HS6ST3: variants seen among roughly 807,000 people sequenced by gnomAD.
The protein encoded by HS6ST3 is heparan sulfate 6-O-sulfotransferase 3, also known as heparan-sulfate 6-O-sulfotransferase 3.
A neutral mutation model predicts 36.7 loss-of-function variants in HS6ST3; 12 were observed. The ratio of observed to expected loss-of-function variants is 0.33; its 90% CI spans 0.21 to 0.53. The LOEUF is 0.53. HS6ST3 is among the 20% of genes least tolerant of loss of function. HS6ST3 has a pLI of 0.95. For synonymous variants in HS6ST3, 240 were observed against 257.5 expected (o/e 0.93, Z 0.65); for missense variants, 584 against 640.9 (o/e 0.91, Z 0.96).
intron 1 of HS6ST3, among the ~76,000 whole-genome samples, chr13:96,370,146 A>G (rs2055282603): frequency 6.6e-6 from 1 of 152,190 alleles, no homozygotes; most frequent in African/African-American, 2.4e-5. Context: ...TTGCCAGTCC[A>G]ATAAATTTTG....
intron 1 of HS6ST3, among the ~76,000 whole-genome samples, chr13:96,300,236 T>C (rs559161806): frequency 1.3e-5 from 2 of 151,856 alleles, no homozygotes; most frequent in South Asian, 4.2e-4. Context: ...TTTGTATTTT[T>C]AGTAGAGATG....
chr13:96,246,338 A>G (rs1260228994), intron 1 of HS6ST3, among the ~76,000 whole-genome samples: 3 of 152,148 alleles, frequency 2.0e-5, no homozygotes, highest in Admixed American at 1.3e-4. Context: ...TTATTTTGCA[A>G]TAGAAGAAAA....
chr13:96,609,250 G>A (rs910538464), intron 1 of HS6ST3, among the ~76,000 whole-genome samples: 2 of 152,072 alleles, frequency 1.3e-5, no homozygotes, highest in Non-Finnish European at 2.9e-5. Context: ...GATTGCAGAT[G>A]TGAGCCACCA....
chr13:96,593,368 G>A (rs140311398), intron 1 of HS6ST3, among the ~76,000 whole-genome samples: 1,886 of 149,560 alleles, frequency 0.013, 42 homozygotes, highest in African/African-American at 0.044. Context: ...TTTGTTTTTC[G>A]TATTTTTAGT....
intron 1 of HS6ST3, among the ~76,000 whole-genome samples, chr13:96,627,765 G>A (rs1481122644): frequency 6.6e-6 from 1 of 151,744 alleles, no homozygotes; most frequent in Non-Finnish European, 1.5e-5. Context: ...TGAGTTGTGT[G>A]TTCTAAAAAT....
intron 1 of HS6ST3, among the ~76,000 whole-genome samples, chr13:96,313,014 GTAT>G (rs2054949694): frequency 6.7e-6 from 1 of 148,958 alleles, no homozygotes; most frequent in African/African-American, 2.5e-5. Context: ...GAATGTTTTA[GTAT>G]TATGTAGTTA....
chr13:96,213,359 G>A (rs924436060), intron 1 of HS6ST3, among the ~76,000 whole-genome samples: 1 of 152,024 alleles, frequency 6.6e-6, no homozygotes, highest in Non-Finnish European at 1.5e-5. Flanking sequence ...GATTTTGCTG[G>A]GGATATATTT....
intron 1 of HS6ST3, among the ~76,000 whole-genome samples, chr13:96,611,171 C>T (rs1408270181): frequency 6.7e-6 from 1 of 149,048 alleles, no homozygotes; most frequent in Non-Finnish European, 1.5e-5. Flanking sequence ...TTTTAGGGTA[C>T]ATGTGCACAA....
At chr13:96,282,017 A>G (rs1242234368) in intron 1 of HS6ST3, among the ~76,000 whole-genome samples, 2 of 152,218 alleles carry the variant, frequency 1.3e-5, no homozygotes, top group Non-Finnish European at 2.9e-5. Context: ...TCTGAATTTT[A>G]TAAGTCCTGT....
At chr13:96,644,124 TATCA>T (rs2056580047) in intron 1 of HS6ST3, among the ~76,000 whole-genome samples, 1 of 152,014 alleles carries the variant, frequency 6.6e-6, no homozygotes, top group Non-Finnish European at 1.5e-5. Context: ...TTGTTTTTGT[TATCA>T]ATTAGCTAAC....
chr13:96,295,968 A>C (rs903682745), intron 1 of HS6ST3, among the ~76,000 whole-genome samples: 2 of 152,162 alleles, frequency 1.3e-5, no homozygotes, highest in African/African-American at 2.4e-5. Context: ...TCTTTGAGAT[A>C]GGGTTTCCAA....
At chr13:96,742,706 T>G (rs1275696978) in intron 1 of HS6ST3, among the ~76,000 whole-genome samples, 1 of 152,146 alleles carries the variant, frequency 6.6e-6, no homozygotes. Flanking sequence ...AAATGCCAAT[T>G]TCTAAGTTTA....
At chr13:96,510,471 GGGAATGTCTGCAA>G (rs1306109275) in intron 1 of HS6ST3, among the ~76,000 whole-genome samples, 5 of 152,106 alleles carry the variant, frequency 3.3e-5, no homozygotes, top group Non-Finnish European at 7.4e-5. Context: ...CCTGGTGCTG[GGGAATGTCTGCAA>G]GGAATCCGAT....
intron 1 of HS6ST3, among the ~76,000 whole-genome samples, chr13:96,831,051 G>A (rs1177787451): frequency 2.0e-5 from 3 of 152,124 alleles, no homozygotes; most frequent in Non-Finnish European, 2.9e-5. Context: ...CATTCCATTG[G>A]TAGGCTTCTC....
At chr13:96,609,991 AT>A (rs1241261562) in intron 1 of HS6ST3, among the ~76,000 whole-genome samples, 1 of 152,168 alleles carries the variant, frequency 6.6e-6, no homozygotes, top group Non-Finnish European at 1.5e-5. Flanking sequence ...TGTTTTCTTC[AT>A]GGCTGTATCC....
At chr13:96,818,565 C>A (rs55879892) in intron 1 of HS6ST3, among the ~76,000 whole-genome samples, 12,510 of 152,180 alleles carry the variant, frequency 0.082, 608 homozygotes, top group Non-Finnish European at 0.11. Context: ...AAGACAAAAG[C>A]CTTGGTGTTT....
intron 1 of HS6ST3, among the ~76,000 whole-genome samples, chr13:96,824,896 T>G (rs866840612): frequency 2.2e-4 from 33 of 152,152 alleles, no homozygotes; most frequent in Admixed American, 2.6e-4. Flanking sequence ...GGTCATGCAT[T>G]ATACATCCTG....
rs150022538 is a variant in HS6ST3, at chr13:96,384,184, T to C, written c.707+292615T>C. On this transcript the variant is annotated intron_variant, in intron 1 of 1. Coordinates refer to ENST00000376705, the MANE Select transcript of HS6ST3 (RefSeq NM_153456.4). ...GGGTTTATTAATGTAACTTCATTTG[T>C]GGTTAGAGTGAGGTGTCCTTGGTCT... is the stretch of plus-strand genomic sequence containing the variant. Among the ~76,000 whole-genome samples, 487 of 152,350 alleles carry C rather than the reference T, an allele frequency of 3.2e-3. 6 individuals carry two copies. The highest frequency in any genetic ancestry group is 0.011 in the African/African-American group (461 of 41,596).
chr13:96,723,978 G>C (rs1875921005), intron 1 of HS6ST3, among the ~76,000 whole-genome samples: 1 of 151,572 alleles, frequency 6.6e-6, no homozygotes, highest in Non-Finnish European at 1.5e-5. Flanking sequence ...TTTCTTTCTT[G>C]TTATTTTTTT....
Sources: gnomAD v4.1 joint callset for allele counts (sites outside exome capture counted in the v4.1 genomes callset) on GRCh38, gnomAD v4.1.1 for gene constraint, MANE v1.5 for transcripts, NCBI Gene and HGNC (gene_info 2026-07-23, HGNC 2026-07-21) for gene names.